Variants in VPS13D observed in about 807,000 individuals in gnomAD.
The protein encoded by VPS13D is intermembrane lipid transfer protein VPS13D.
VPS13D carries 187 observed loss-of-function variants against 461.9 expected under a neutral mutation model. The observed-to-expected ratio is 0.40, with a 90% CI of 0.36 to 0.46. The LOEUF is 0.46. VPS13D is among the 20% of genes least tolerant of loss of function. The pLI, the probability that VPS13D is intolerant of heterozygous loss-of-function variation, is 0.60. For synonymous variants in VPS13D, 1,951 were observed against 1,986.3 expected (o/e 0.98, Z 0.47); for missense variants, 4,711 against 5,364.9 (o/e 0.88, Z 3.81).
intron 57 of VPS13D, among the ~76,000 whole-genome samples, chr1:12,380,288 A>C (rs1350852556): frequency 6.6e-6 from 1 of 152,250 alleles, no homozygotes; most frequent in Admixed American, 6.5e-5. Context: ...GTCCAGCACT[A>C]AGTTAGATGA....
intron 21 of VPS13D, 64 bp downstream of exon 21, chr1:12,283,800 T>A (rs1283222180): frequency 1.4e-6 from 2 of 1,450,098 alleles, no homozygotes; most frequent in Non-Finnish European, 1.8e-6. Context: ...TTGATTTAAA[T>A]ACAAGCACTT....
chr1:12,265,967 TG>T (rs1641255278), intron 13 of VPS13D, among the ~76,000 whole-genome samples: 1 of 152,102 alleles, frequency 6.6e-6, no homozygotes, highest in Non-Finnish European at 1.5e-5. Flanking sequence ...ACAACCAGCC[TG>T]GGCAACATAG....
chr1:12,427,684 G>A (rs1644940056), intron 65 of VPS13D, among the ~76,000 whole-genome samples: 1 of 152,120 alleles, frequency 6.6e-6, no homozygotes, highest in African/African-American at 2.4e-5. Flanking sequence ...TTTTATATCA[G>A]GGACTTCAGC....
At position 12,256,478 on chromosome 1, in the gene VPS13D, A is replaced by T; in HGVS notation, c.815A>T (p.Glu272Val). 6.2e-7 allele frequency: 1 copy of T among 1,614,068 alleles called. No individual in the cohort carries two copies. The highest frequency in any genetic ancestry group is 8.5e-7 in the Non-Finnish European group (1 of 1,179,984). ...SPRIDCDIQLETIPLKLSQLQ... is the reference protein window; with the variant it reads ...SPRIDCDIQLVTIPLKLSQLQ... ...CGTATTGATTGTGATATTCAGCTGG[A>T]GACCATTCCCTTGAAACTCTCTCAG... is the stretch of plus-strand genomic sequence containing the variant. Residue 272 changes from glutamate (E) to valine (V), a missense_variant, in exon 8 of 70, where the codon GAG becomes GTG. Physicochemically the swap from Glu to Val is moderately radical, Grantham distance 121. Around this residue, in one of 3 missense-constraint regions of VPS13D, gnomAD observed 4,411 missense variants for 4,937.8 expected, o/e 0.89. Coordinates refer to ENST00000620676, the MANE Select transcript of VPS13D (RefSeq NM_015378.4).
chr1:12,491,041 A>G (rs1436554230), intron 67 of VPS13D, among the ~76,000 whole-genome samples: 2 of 152,246 alleles, frequency 1.3e-5, no homozygotes, highest in African/African-American at 2.4e-5. Flanking sequence ...GAACCCTGGT[A>G]TCTTGTAGCT....
Position 12,369,625 on chromosome 1 carries a change from C to A in VPS13D, c.10731C>A (p.Asn3577Lys), listed in dbSNP as rs1644089510. 1 of 1,614,078 alleles carries A rather than the reference C, an allele frequency of 6.2e-7. No individual in the cohort carries two copies. Among genetic ancestry groups the A allele is most frequent in the African/African-American group, 1.3e-5 (1 of 74,930 alleles). ...CAGGGTCCTCTGAGATCAACTGCAACATGAATGATTTCCAGGATAATCGGC... is the reference window on the plus strand; with the variant it reads ...CAGGGTCCTCTGAGATCAACTGCAAAATGAATGATTTCCAGGATAATCGGC... ...KGAGSSEINC[N>K]MNDFQDNRQL... Residue 3577 changes from asparagine to lysine, a missense_variant, in exon 54 of 70, where the codon AAC becomes AAA. Transcript: ENST00000620676.
At chr1:12,266,048 A>G (rs1030716524) in intron 13 of VPS13D, among the ~76,000 whole-genome samples, 1 of 152,146 alleles carries the variant, frequency 6.6e-6, no homozygotes, top group Non-Finnish European at 1.5e-5. Context: ...CTGTAGTCCT[A>G]GCTACGTGGC....
At chr1:12,327,131 G>T (rs1419041930) in intron 35 of VPS13D, among the ~76,000 whole-genome samples, 1 of 151,960 alleles carries the variant, frequency 6.6e-6, no homozygotes, top group African/African-American at 2.4e-5. Context: ...GGGTGCTGTC[G>T]GGCACAAAGA....
chr1:12,280,301 C>T (rs538620373), intron 20 of VPS13D, among the ~76,000 whole-genome samples: 1 of 151,950 alleles, frequency 6.6e-6, no homozygotes, highest in Non-Finnish European at 1.5e-5. Context: ...TGGAGTAACC[C>T]AGGAGTGCTG....
intron 65 of VPS13D, among the ~76,000 whole-genome samples, chr1:12,436,025 AT>A (rs1408291014): frequency 1.3e-5 from 2 of 152,170 alleles, no homozygotes; most frequent in Non-Finnish European, 2.9e-5. Context: ...TAACAGGTCT[AT>A]TTATTGTGTC....
At chr1:12,252,275 A>C (rs1195717929) in intron 6 of VPS13D, among the ~76,000 whole-genome samples, 2 of 152,082 alleles carry the variant, frequency 1.3e-5, no homozygotes, top group Non-Finnish European at 2.9e-5. Flanking sequence ...ATTCCAAGCT[A>C]CTTTTCTCAA....
chr1:12,300,371 C>T (rs943656257), intron 25 of VPS13D, among the ~76,000 whole-genome samples: 6 of 151,996 alleles, frequency 3.9e-5, no homozygotes, highest in Admixed American at 6.6e-5. Flanking sequence ...CCACACCCAG[C>T]GAGTTTTTAT....
intron 65 of VPS13D, among the ~76,000 whole-genome samples, chr1:12,429,861 T>A (rs1183365622): frequency 2.0e-5 from 3 of 152,128 alleles, no homozygotes; most frequent in Non-Finnish European, 2.9e-5. Context: ...GGAAGCTGGT[T>A]TAGAGGAAGG....
At chr1:12,343,614 G>GT (rs1290163411) in intron 42 of VPS13D, among the ~76,000 whole-genome samples, 4 of 151,928 alleles carry the variant, frequency 2.6e-5, no homozygotes, top group African/African-American at 9.7e-5. Flanking sequence ...GGCTCAAGCA[G>GT]TTCTCTCACC....
chr1:12,453,493 A>G (rs961008242), intron 65 of VPS13D, among the ~76,000 whole-genome samples: 11 of 152,150 alleles, frequency 7.2e-5, no homozygotes, highest in Non-Finnish European at 1.6e-4. Flanking sequence ...GACACACAGG[A>G]CATGGGCACG....
At chr1:12,398,867 G>T (rs887338243) in intron 60 of VPS13D, among the ~76,000 whole-genome samples, 2 of 152,230 alleles carry the variant, frequency 1.3e-5, no homozygotes, top group Admixed American at 1.3e-4. Flanking sequence ...CGATAGCATA[G>T]TGTTTAGGAG....
rs763703398 is a variant in VPS13D, at chr1:12,348,858, A to G, written c.9105A>G (p.Ala3035=). Residue 3035 remains alanine, a synonymous_variant, in exon 45 of 70, where the codon GCA becomes GCG. Coordinates refer to ENST00000620676, the MANE Select transcript of VPS13D (RefSeq NM_015378.4). Reference sequence around the variant, plus strand: ...TCCCACCAGTGCGGGTGGTCTTTGCAGTGACTATGGAAGGCAGTGCACGGA... The same window carrying G: ...TCCCACCAGTGCGGGTGGTCTTTGCGGTGACTATGGAAGGCAGTGCACGGA... The part of the protein sequence containing the change: ...SSLPPVRVVF[A]VTMEGSARKV... 8 of 1,614,136 alleles carry G rather than the reference A, an allele frequency of 5.0e-6. No homozygotes were observed. Among genetic ancestry groups the G allele is most frequent in the Non-Finnish European group, 5.9e-6 (7 of 1,180,024 alleles).
intron 46 of VPS13D, among the ~76,000 whole-genome samples, chr1:12,352,087 C>T (rs555379912): frequency 7.9e-5 from 12 of 151,510 alleles, no homozygotes; most frequent in South Asian, 4.2e-4. Context: ...ATCAGGGGTT[C>T]GAGACCAGCC....
At chr1:12,383,499 T>A (rs935491191) in intron 58 of VPS13D, among the ~76,000 whole-genome samples, 4 of 152,204 alleles carry the variant, frequency 2.6e-5, no homozygotes, top group Non-Finnish European at 4.4e-5. Context: ...AGATATGAGA[T>A]CCTTAATCAG....
Sources: allele counts gnomAD v4.1 joint callset (sites outside exome capture counted in the v4.1 genomes callset), GRCh38; gene constraint gnomAD v4.1.1; regional missense constraint gnomAD v4.1.1; transcripts MANE v1.5; gene names NCBI Gene and HGNC (gene_info 2026-07-23, HGNC 2026-07-21).